COP1: variants seen among roughly 807,000 people sequenced by gnomAD.
COP1 encodes COP1 E3 ubiquitin ligase, also known as E3 ubiquitin-protein ligase COP1.
A neutral mutation model predicts 101.3 loss-of-function variants in COP1; 24 were observed. The ratio of observed to expected loss-of-function variants is 0.24; its 90% confidence interval spans 0.17 to 0.33. The LOEUF (loss-of-function observed/expected upper bound fraction) is 0.33, where lower values mean the gene tolerates loss of function less well. COP1 is among the 10% of genes least tolerant of loss of function. The pLI is 1.00. For synonymous variants in COP1, 347 were observed against 341.9 expected, an observed-to-expected ratio of 1.01 and a Z score of -0.17; for missense variants, 663 against 906.2, an observed-to-expected ratio of 0.73 and a Z score of 3.45.
intron 9 of COP1, among the ~76,000 whole-genome samples, chr1:176,088,262 A>C (rs973496985): frequency 1.3e-4 from 20 of 152,188 alleles, no homozygotes; most frequent in Admixed American, 1.1e-3. Context: ...ATAAAAAAAA[A>C]AAGAATGAGC....
intron 9 of COP1, among the ~76,000 whole-genome samples, chr1:176,108,599 C>T (rs755109633): frequency 1.3e-5 from 2 of 152,120 alleles, no homozygotes; most frequent in Non-Finnish European, 2.9e-5. Flanking sequence ...TGAGCACATA[C>T]ACTCATTGCA....
rs968735733 is a variant in COP1 at position 176,099,852 on chromosome 1, T to C, written c.1027-13962A>G. ...ACAGGCCCAGAGCTCCAAGTTTATT[T>C]TGAGACGTTAAGAGAGCAGGATCAC... is the stretch of plus-strand genomic sequence containing the variant. On this transcript the variant is annotated intron_variant, in intron 9 of 19. Transcript: ENST00000367669. 3.3e-5 allele frequency among the ~76,000 whole-genome samples: 5 copies of C among 152,118 alleles called. No individual in the cohort carries two copies. In the East Asian group the frequency reaches 9.7e-4, roughly 29 times the overall value.
chr1:176,151,417 GAAAC>G (rs1275230559), intron 5 of COP1, among the ~76,000 whole-genome samples: 1 of 142,722 alleles, frequency 7.0e-6, no homozygotes, highest in African/African-American at 2.6e-5. Flanking sequence ...AAGAAAGAAA[GAAAC>G]ATATTTAGAA....
chr1:175,985,322 C>T (rs972821630), intron 18 of COP1, among the ~76,000 whole-genome samples: 2 of 151,868 alleles, frequency 1.3e-5, no homozygotes, highest in African/African-American at 2.4e-5. Context: ...TTTATTGTGC[C>T]CTAGTTATTG....
intron 1 of COP1, among the ~76,000 whole-genome samples, chr1:176,202,994 A>G (rs1700428312): frequency 6.6e-6 from 1 of 152,114 alleles, no homozygotes; most frequent in Non-Finnish European, 1.5e-5. Context: ...TGAATGGTAG[A>G]TCTATTTAAT....
Position 175,996,907 on chromosome 1 carries a change from T to A in COP1, c.1730-7428A>T, listed in dbSNP as rs889134898. Among the ~76,000 whole-genome samples the A allele has an allele frequency of 3.0e-3, 456 of 152,168 alleles. 2 individuals are homozygous for A. The highest frequency in any genetic ancestry group is 0.01 in the African/African-American group (429 of 41,510). On this transcript the variant is annotated intron_variant, in intron 15 of 19. Coordinates refer to ENST00000367669, the MANE Select transcript of COP1 (RefSeq NM_022457.7). ...GAATTGGAAAAAACTACTTTCAAGTTCATATGGAACCAAAAAAGAGCCCAC... is the reference window on the plus strand; with the variant it reads ...GAATTGGAAAAAACTACTTTCAAGTACATATGGAACCAAAAAAGAGCCCAC...
At chr1:176,079,087 C>T (rs1161199160) in intron 11 of COP1, among the ~76,000 whole-genome samples, 2 of 152,092 alleles carry the variant, frequency 1.3e-5, no homozygotes, top group East Asian at 3.8e-4. Context: ...GGAGATTTGT[C>T]ATGTAAGTTA....
chr1:176,081,309 A>G, intron 10 of COP1, 22 bp from the exon 11 acceptor site: 1 of 1,548,098 alleles, frequency 6.5e-7, no homozygotes, highest in Non-Finnish European at 8.7e-7. Flanking sequence ...AAAAAAAAAA[A>G]AGACAAAACA....
intron 8 of COP1, among the ~76,000 whole-genome samples, chr1:176,133,268 G>GTA (rs199624244): frequency 2.0e-5 from 3 of 149,620 alleles, no homozygotes; most frequent in Admixed American, 1.3e-4. Flanking sequence ...ATATACGTAC[G>GTA]TATATATATA....
intron 11 of COP1, among the ~76,000 whole-genome samples, chr1:176,058,731 G>A (rs1412977660): frequency 6.9e-6 from 1 of 144,398 alleles, no homozygotes; most frequent in Non-Finnish European, 1.5e-5. Context: ...CCCCCTCTGC[G>A]AGAAACACCC....
chr1:176,195,237 A>AAGGAATATTATC (rs1699541151), intron 1 of COP1, among the ~76,000 whole-genome samples: 1 of 152,214 alleles, frequency 6.6e-6, no homozygotes, highest in Non-Finnish European at 1.5e-5. Flanking sequence ...ATTTCAGAAC[A>AAGGAATATTATC]AGGAATATTA....
chr1:176,196,062 CA>C (rs1473026012), intron 1 of COP1, among the ~76,000 whole-genome samples: 4 of 151,938 alleles, frequency 2.6e-5, no homozygotes, highest in Non-Finnish European at 5.9e-5. Flanking sequence ...TAAGAAATCA[CA>C]AGGGAAATGA....
At chr1:175,951,198 AAGATCATGCCACTGCACT>A (rs1182389357) in intron 18 of COP1, among the ~76,000 whole-genome samples, 1 of 152,014 alleles carries the variant, frequency 6.6e-6, no homozygotes, top group African/African-American at 2.4e-5. Flanking sequence ...ATGGTGAGCC[AAGATCATGCCACTGCACT>A]ACAGCCTGGC....
intron 18 of COP1, among the ~76,000 whole-genome samples, chr1:175,977,854 AC>A (rs1378515892): frequency 6.6e-6 from 1 of 152,142 alleles, no homozygotes; most frequent in Non-Finnish European, 1.5e-5. Flanking sequence ...CATTACATAC[AC>A]TTCAGCATAT....
rs142226935 is a variant in COP1, at chr1:176,164,178, T to A, written c.566-287A>T. On this transcript the variant is annotated intron_variant, in intron 3 of 19. Coordinates refer to ENST00000367669, the MANE Select transcript of COP1 (RefSeq NM_022457.7). ...CTATTGGCACTTGCTGAGAGAGAAA[T>A]CCTCATTCACCATGTGAGACCATCA... 2.2e-3 allele frequency among the ~76,000 whole-genome samples: 340 copies of A among 152,300 alleles called. 4 individuals are homozygous for A. The highest frequency in any genetic ancestry group is 8.0e-3 in the African/African-American group (333 of 41,550).
chr1:175,973,514 G>A (rs1653780560), intron 18 of COP1, among the ~76,000 whole-genome samples: 2 of 152,136 alleles, frequency 1.3e-5, no homozygotes, highest in Admixed American at 1.3e-4. Flanking sequence ...ACATTTTAAA[G>A]TATATTACTG....
intron 1 of COP1, among the ~76,000 whole-genome samples, chr1:176,186,086 C>G (rs193058526): frequency 6.6e-6 from 1 of 151,916 alleles, no homozygotes; most frequent in East Asian, 1.9e-4. Context: ...CAAAGGGACC[C>G]ATAGTAAAGA....
intron 18 of COP1, among the ~76,000 whole-genome samples, chr1:175,949,819 T>G (rs1649651255): frequency 1.3e-5 from 2 of 152,198 alleles, no homozygotes; most frequent in Admixed American, 1.3e-4. Context: ...AGAGAAGGAA[T>G]GCAGAGACCT....
Position 176,091,780 on chromosome 1 carries a change from T to G in COP1, c.1027-5890A>C, listed in dbSNP as rs116404978. Among the ~76,000 whole-genome samples the G allele has an allele frequency of 8.8e-3, 1,344 of 151,986 alleles. 21 individuals carry two copies. Among genetic ancestry groups the G allele is most frequent in the African/African-American group, 0.03 (1,253 of 41,488 alleles). Reference sequence around the variant, plus strand: ...AAAACTGAGAAAAACAGAAGTATAATAAGTAAAACAGAATGAAATTATATC... The same window carrying G: ...AAAACTGAGAAAAACAGAAGTATAAGAAGTAAAACAGAATGAAATTATATC... On this transcript the variant is annotated intron_variant, in intron 9 of 19. Coordinates refer to ENST00000367669, the MANE Select transcript of COP1 (RefSeq NM_022457.7).
Sources: allele counts gnomAD v4.1 joint callset (sites outside exome capture counted in the v4.1 genomes callset), GRCh38; gene constraint gnomAD v4.1.1; transcripts MANE v1.5; gene names NCBI Gene and HGNC (gene_info 2026-07-23, HGNC 2026-07-21).